PAPLN: variants seen among roughly 807,000 people sequenced by gnomAD.
The protein encoded by PAPLN is papilin.
In PAPLN, 146 loss-of-function variants were observed where a neutral mutation model predicts 159.0. The observed-to-expected ratio is 0.92, with a 90% confidence interval of 0.80 to 1.05. The LOEUF (loss-of-function observed/expected upper bound fraction) is 1.05. Among genes scored for constraint, PAPLN ranks in the 50% least tolerant of loss-of-function variants. The pLI, the probability that PAPLN is intolerant of heterozygous loss-of-function variation, is 0.00. For missense variants in PAPLN, 1,720 were observed against 1,743.9 expected (o/e 0.99, Z 0.24); for synonymous variants, 734 against 702.9 (o/e 1.04, Z -0.70).
In PAPLN at chr14:73,245,783, C is replaced by A; in HGVS notation, c.231+87C>A. 1 of 1,491,692 alleles carries A rather than the reference C, an allele frequency of 6.7e-7. No individual in the cohort carries two copies. The highest frequency in any genetic ancestry group is 9.0e-7 in the Non-Finnish European group (1 of 1,114,468). The allele number at this position is 1,491,692 out of a possible 1,614,324, so 92.4% of individuals were successfully genotyped here. ...CCATTGGGATGCCCGCTCCTGGCCG[C>A]GGGCTGCTGGGTTGGCCCAGCCTGG... is the stretch of plus-strand genomic sequence containing the variant. On this transcript the variant is annotated intron_variant, in intron 4 of 26. Transcript: ENST00000644200. This position sits in a 1 kb window ranked among gnomAD's most constrained non-coding sequence, Gnocchi z 4.2.
intron 25 of PAPLN, among the ~76,000 whole-genome samples, chr14:73,268,149 C>G (rs1887399561): frequency 6.6e-6 from 1 of 152,012 alleles, no homozygotes; most frequent in Non-Finnish European, 1.5e-5. Flanking sequence ...TCTGCTGTGC[C>G]TCAGGGCCTG....
At chr14:73,247,739 T>C (rs1177800530) in intron 5 of PAPLN, among the ~76,000 whole-genome samples, 75 of 142,758 alleles carry the variant, frequency 5.3e-4, no homozygotes, top group Non-Finnish European at 2.6e-4. Flanking sequence ...TCTGTGCGTG[T>C]GTGTGTGTGT....
chr14:73,266,926 TGCTTCCATTCCG>T, intron 25 of PAPLN, 95 bp downstream of exon 25: 1 of 1,219,964 alleles, frequency 8.2e-7, no homozygotes, highest in Non-Finnish European at 1.2e-6. Context: ...CTGTCACCAC[TGCTTCCATTCCG>T]GCTTCCAGGC....
chr14:73,256,999 A>T (rs1885986111), intron 14 of PAPLN, among the ~76,000 whole-genome samples: 1 of 152,328 alleles, frequency 6.6e-6, no homozygotes, highest in South Asian at 2.1e-4. Context: ...ATTTTGAGAC[A>T]GGGTCTCTGT....
rs772750318 is a variant in PAPLN, at chr14:73,248,974, T to TA, written c.335-1003dup. 4.6e-5 allele frequency among the ~76,000 whole-genome samples: 7 copies of TA among 151,984 alleles called. No homozygotes were observed. In the East Asian group the frequency reaches 7.7e-4, roughly 17 times the overall value. On this transcript the variant is annotated intron_variant, in intron 5 of 26. Transcript: ENST00000644200. ...AGTGAGACCCTGTCTCTACAAAAAA[T>TA]AAAAAAATTAGCTGGGTATGATGGC...
chr14:73,238,026 G>C (rs954227256), intron 1 of PAPLN, among the ~76,000 whole-genome samples: 3 of 152,174 alleles, frequency 2.0e-5, no homozygotes, highest in Non-Finnish European at 2.9e-5. Context: ...CCTCCCGTGG[G>C]AACCGCGCCT....
rs1206755530 is a variant in PAPLN at position 73,272,550 on chromosome 14, G to C, written c.3723G>C (p.Leu1241=). The change falls in exon 27 of 27, where the codon CTG becomes CTC. Residue 1241 remains leucine, a synonymous_variant. Coordinates refer to ENST00000644200, the MANE Select transcript of PAPLN (RefSeq NM_001365906.3). ...PGRDCVDQPE[L]ANCDLILQAQ... ...GGGACTGCGTCGACCAGCCAGAGCT[G>C]GCCAACTGTGATTTGATCCTGCAGG... is the stretch of plus-strand genomic sequence containing the variant. 1 of 1,598,374 alleles carries C rather than the reference G, an allele frequency of 6.3e-7. No individual in the cohort carries two copies.
chr14:73,271,861 A>G (rs1338140425), intron 26 of PAPLN, among the ~76,000 whole-genome samples: 1 of 111,322 alleles, frequency 9.0e-6, no homozygotes, highest in Non-Finnish European at 1.8e-5. Context: ...GAGGGAGAGA[A>G]AACAAGGGCT....
intron 18 of PAPLN, 32 bp downstream of exon 18, chr14:73,261,326 T>A: frequency 6.2e-7 from 1 of 1,607,408 alleles, no homozygotes; most frequent in East Asian, 2.2e-5. Context: ...TCCTTCTCGA[T>A]GGGTAGACTC....
At chr14:73,254,110 C>T in intron 12 of PAPLN, 149 bp downstream of exon 12, 1 of 916,518 alleles carries the variant, frequency 1.1e-6, no homozygotes, top group Middle Eastern at 3.5e-4. Flanking sequence ...AGGCTGGGAC[C>T]AGAAGCAAGT....
chr14:73,262,404 C>T lies in PAPLN; in HGVS notation c.2300C>T (p.Ala767Val). 6.2e-7 allele frequency: 1 copy of T among 1,614,002 alleles called. No homozygotes were observed. ...PSAHGSCADWAARWYFVASVG... is the reference protein window; with the variant it reads ...PSAHGSCADWVARWYFVASVG... ...GCCCATGGCTCTTGCGCAGACTGGGCTGCCCGCTGGTACTTCGTTGCCTCT... is the reference window on the plus strand; with the variant it reads ...GCCCATGGCTCTTGCGCAGACTGGGTTGCCCGCTGGTACTTCGTTGCCTCT... The change falls in exon 19 of 27, where the codon GCT becomes GTT. Residue 767 changes from alanine (A) to valine (V), a missense_variant. By Grantham distance (64) the Ala-to-Val change is moderately conservative (BLOSUM62 0). Coordinates refer to ENST00000644200, the MANE Select transcript of PAPLN (RefSeq NM_001365906.3).
chr14:73,253,666 C>T (rs1290477569), intron 11 of PAPLN, 88 bp from the exon 12 acceptor site: 2 of 1,301,534 alleles, frequency 1.5e-6, no homozygotes, highest in South Asian at 1.4e-5. Flanking sequence ...GTCCTCAGGC[C>T]ACCTGTGTGA....
At position 73,259,546 on chromosome 14, in the gene PAPLN, G is replaced by T; in HGVS notation, c.1985+1G>T. On this transcript the variant is annotated splice_donor_variant, in intron 16 of 26. Transcript: ENST00000644200. LOFTEE classifies it high-confidence loss of function. ...CTGGGGCCCCCTGTCAGCAGAGCAG[G>T]TGGGTGCTGGAGACAGGTCTTCCTC... 6.4e-7 allele frequency: 1 copy of T among 1,552,288 alleles called. No individual in the cohort carries two copies. Among genetic ancestry groups the T allele is most frequent in the Non-Finnish European group, 8.7e-7 (1 of 1,148,492 alleles).
At chr14:73,268,755 G>A in intron 26 of PAPLN, 32 bp downstream of exon 26, 1 of 1,565,848 alleles carries the variant, frequency 6.4e-7, no homozygotes, top group South Asian at 1.2e-5. Flanking sequence ...GGATGGGAAG[G>A]ACATTCCCCA....
intron 5 of PAPLN, among the ~76,000 whole-genome samples, chr14:73,248,075 C>CTGTGTGTG (rs71112722): frequency 0.014 from 629 of 45,596 alleles, 144 homozygotes; most frequent in African/African-American, 0.094. Flanking sequence ...CTCATATCCT[C>CTGTGTGTG]TGTGTGTGTG....
chr14:73,262,308 A>G (rs1161026529), intron 18 of PAPLN, 42 bp from the exon 19 acceptor site: 20 of 1,552,082 alleles, frequency 1.3e-5, no homozygotes, highest in Non-Finnish European at 1.4e-5. Flanking sequence ...CAGCTTTAGT[A>G]CTGGGCACCT....
At position 73,244,659 on chromosome 14, in the gene PAPLN, C is replaced by G; in HGVS notation, c.70C>G (p.Arg24Gly). 1 of 1,585,794 alleles carries G rather than the reference C, an allele frequency of 6.3e-7. No individual in the cohort carries two copies. The highest frequency in any genetic ancestry group is 8.6e-7 in the Non-Finnish European group (1 of 1,166,722). The change falls in exon 3 of 27, where the codon CGG becomes GGG. Residue 24 changes from arginine to glycine, a missense_variant. Physicochemically the swap from Arg to Gly is moderately radical, Grantham distance 125. Coordinates refer to ENST00000644200, the MANE Select transcript of PAPLN (RefSeq NM_001365906.3). ...TCTTCTGCAGGCTCCCAAGGTGAGG[C>G]GGCAGAGTGACACCTGGGGACCCTG... Reference protein sequence around the residue: ...APGSSAPKVRRQSDTWGPWSQ... With the variant: ...APGSSAPKVRGQSDTWGPWSQ...
At chr14:73,238,369 G>A (rs28594747) in intron 1 of PAPLN, among the ~76,000 whole-genome samples, 5 of 152,240 alleles carry the variant, frequency 3.3e-5, no homozygotes, top group Non-Finnish European at 5.9e-5. Context: ...AGCTTCCACG[G>A]CCCTCGGAGT....
At position 73,252,145 on chromosome 14, in the gene PAPLN, CG is replaced by C; in HGVS notation, c.967+7del. 6.3e-7 allele frequency: 1 copy of C among 1,594,304 alleles called. No individual in the cohort carries two copies. Among genetic ancestry groups the C allele is most frequent in the Admixed American group, 1.7e-5 (1 of 57,598 alleles). On this transcript the variant is annotated splice_donor_5th_base_variant and intron_variant, in intron 10 of 26. Coordinates refer to ENST00000644200, the MANE Select transcript of PAPLN (RefSeq NM_001365906.3). Reference sequence around the variant, plus strand: ...TGCAGCGCGGAGTGTGGCGGAGGTGCGGGCGTGGATGGCCCAGGGGAGGGCA... The same window carrying C: ...TGCAGCGCGGAGTGTGGCGGAGGTGCGGCGTGGATGGCCCAGGGGAGGGCA...
Sources: allele counts gnomAD v4.1 joint callset (sites outside exome capture counted in the v4.1 genomes callset), GRCh38; gene constraint gnomAD v4.1.1; non-coding constraint Gnocchi (gnomAD v3.1); transcripts MANE v1.5; gene names NCBI Gene and HGNC (gene_info 2026-07-23, HGNC 2026-07-21).